The following MDFIC2 variants were observed in gnomAD, a reference collection of about 807,000 sequenced individuals.
The protein encoded by MDFIC2 is MyoD family inhibitor domain containing 2, also known as myoD family inhibitor domain-containing protein 2.
chr3:70,301,045 T>C (rs1352773028), intron 2 of MDFIC2, among the ~76,000 whole-genome samples: 2 of 152,142 alleles, frequency 1.3e-5, no homozygotes, highest in Non-Finnish European at 2.9e-5. Context: ...CTTTATGTTA[T>C]AGTTTTTCCT....
In MDFIC2 at chr3:70,286,064, G is replaced by T. The variant is rs143453285; in HGVS notation, c.88+25822C>A. 8.5e-5 allele frequency among the ~76,000 whole-genome samples: 13 copies of T among 152,080 alleles called. No individual in the cohort carries two copies. In the East Asian group the frequency reaches 1.6e-3, roughly 18 times the overall value. The stretch of plus-strand genomic sequence containing the variant: ...CTGTGCAGAAGCTCTTTAGTTTAAT[G>T]AGATCCCATTTGTCAATTTTGTGTT... On this transcript the variant is annotated intron_variant, in intron 2 of 3. Transcript: ENST00000567252.
chr3:70,301,470 A>T (rs1231296776), intron 2 of MDFIC2, among the ~76,000 whole-genome samples: 1 of 152,130 alleles, frequency 6.6e-6, no homozygotes, highest in Non-Finnish European at 1.5e-5. Context: ...CAACTGAATT[A>T]TAAGTTTCTT....
intron 2 of MDFIC2, among the ~76,000 whole-genome samples, chr3:70,213,365 A>T (rs191838896): frequency 6.6e-6 from 1 of 152,248 alleles, no homozygotes; most frequent in African/African-American, 2.4e-5. Flanking sequence ...ATTAGATAAG[A>T]CTTTAAGGTA....
At chr3:70,234,583 T>G (rs1244120313) in intron 2 of MDFIC2, among the ~76,000 whole-genome samples, 1 of 151,104 alleles carries the variant, frequency 6.6e-6, no homozygotes, top group Non-Finnish European at 1.5e-5. Flanking sequence ...GAGGCTGCAG[T>G]GAGCCATGAC....
At chr3:70,268,441 C>T (rs1701943849) in intron 2 of MDFIC2, among the ~76,000 whole-genome samples, 1 of 143,830 alleles carries the variant, frequency 7.0e-6, no homozygotes, top group Admixed American at 7.4e-5. Context: ...CATCACTGCA[C>T]TCCAGCCTGG....
At chr3:70,201,232 G>A (rs754505926) in intron 3 of MDFIC2, among the ~76,000 whole-genome samples, 21 of 151,770 alleles carry the variant, frequency 1.4e-4, no homozygotes, top group South Asian at 6.3e-4. Flanking sequence ...ATTGTGTGTC[G>A]TTCCCCTCTC....
intron 2 of MDFIC2, among the ~76,000 whole-genome samples, chr3:70,289,465 C>G (rs1451410771): frequency 6.7e-6 from 1 of 149,382 alleles, no homozygotes; most frequent in Non-Finnish European, 1.5e-5. Flanking sequence ...GAGGGTAACC[C>G]AACCTTTCTC....
At chr3:70,222,927 A>C (rs1207955629) in intron 2 of MDFIC2, among the ~76,000 whole-genome samples, 1 of 152,204 alleles carries the variant, frequency 6.6e-6, no homozygotes, top group East Asian at 1.9e-4. Flanking sequence ...GTAAGCCCAA[A>C]TGGTATACCT....
chr3:70,203,713 G>A lies in MDFIC2; in HGVS notation c.310+2856C>T, dbSNP rs117040528. ...GGTGTAATTAAGACTATTCTTTTGAGGTATCTTGTATTTATGATTTTCCTC... is the reference window on the plus strand; with the variant it reads ...GGTGTAATTAAGACTATTCTTTTGAAGTATCTTGTATTTATGATTTTCCTC... On this transcript the variant is annotated intron_variant, in intron 3 of 3. Transcript: ENST00000567252. Among the ~76,000 whole-genome samples, 1,025 of 152,100 alleles carry A rather than the reference G, an allele frequency of 6.7e-3. 58 individuals are homozygous for A. In the East Asian group the frequency reaches 0.15, roughly 22 times the overall value.
intron 2 of MDFIC2, among the ~76,000 whole-genome samples, chr3:70,214,417 G>A (rs1165904832): frequency 6.6e-6 from 1 of 151,900 alleles, no homozygotes; most frequent in Non-Finnish European, 1.5e-5. Context: ...AATCAGGCTT[G>A]GTAAATCTTT....
intron 2 of MDFIC2, among the ~76,000 whole-genome samples, chr3:70,308,392 G>A (rs1237511152): frequency 1.3e-5 from 2 of 152,058 alleles, no homozygotes; most frequent in Non-Finnish European, 2.9e-5. Context: ...TTGTTTATCC[G>A]ATTATCTTAA....
chr3:70,258,752 C>T (rs1486618304), intron 2 of MDFIC2, among the ~76,000 whole-genome samples: 1 of 151,958 alleles, frequency 6.6e-6, no homozygotes, highest in African/African-American at 2.4e-5. Flanking sequence ...ATAAAAATAA[C>T]AAACAATAGG....
chr3:70,298,557 G>A (rs1702314032), intron 2 of MDFIC2, among the ~76,000 whole-genome samples: 1 of 152,060 alleles, frequency 6.6e-6, no homozygotes, highest in African/African-American at 2.4e-5. Context: ...CAGATAAGTT[G>A]GCTTCTGAAT....
chr3:70,218,877 G>A (rs1701437637), intron 2 of MDFIC2, among the ~76,000 whole-genome samples: 1 of 152,016 alleles, frequency 6.6e-6, no homozygotes, highest in African/African-American at 2.4e-5. Context: ...AGCATGTTGA[G>A]GTGAACTATT....
intron 3 of MDFIC2, among the ~76,000 whole-genome samples, chr3:70,202,827 G>T (rs1473031579): frequency 1.3e-5 from 2 of 152,044 alleles, no homozygotes; most frequent in Non-Finnish European, 2.9e-5. Flanking sequence ...GTACAACTGG[G>T]GACTGGCTAA....
chr3:70,283,864 T>C (rs1199090954), intron 2 of MDFIC2: 3 of 152,098 alleles, frequency 2.0e-5, no homozygotes, highest in Non-Finnish European at 2.9e-5. Context: ...ACATAATGTA[T>C]TTTTAAGAGA....
At chr3:70,308,629 A>C (rs527742732) in intron 2 of MDFIC2, among the ~76,000 whole-genome samples, 1 of 152,308 alleles carries the variant, frequency 6.6e-6, no homozygotes, top group East Asian at 1.9e-4. Flanking sequence ...CGATTGAATG[A>C]GATGAATGAA....
intron 2 of MDFIC2, among the ~76,000 whole-genome samples, chr3:70,265,694 A>G (rs1368094331): frequency 6.6e-6 from 1 of 152,250 alleles, no homozygotes; most frequent in Non-Finnish European, 1.5e-5. Flanking sequence ...TGCTGTAAAG[A>G]ACTGCCTGAG....
chr3:70,262,349 T>C (rs1388916254), intron 2 of MDFIC2, among the ~76,000 whole-genome samples: 1 of 152,212 alleles, frequency 6.6e-6, no homozygotes, highest in African/African-American at 2.4e-5. Context: ...CCTCACCATC[T>C]GATAACATAA....
Sources: allele counts gnomAD v4.1 joint callset (sites outside exome capture counted in the v4.1 genomes callset), GRCh38; gene constraint gnomAD v4.1.1; transcripts MANE v1.5; gene names NCBI Gene and HGNC (gene_info 2026-07-23, HGNC 2026-07-21).